The following WASHC5 variants were observed in gnomAD, a reference collection of about 807,000 sequenced individuals.
WASHC5 encodes WASH complex subunit 5, also known as WASH complex subunit strumpellin.
A neutral mutation model predicts 150.4 loss-of-function variants in WASHC5; 101 were observed. That is an observed-to-expected ratio of 0.67 (90% CI 0.57 to 0.79). The LOEUF is 0.79. Ranked by LOEUF, WASHC5 falls within the 30% of genes least tolerant of loss-of-function variation. The probability of loss-of-function intolerance (pLI) is 0.00; values close to 1 mark genes in which losing one functional copy is unlikely to be tolerated. For synonymous variants in WASHC5, 467 were observed against 491.2 expected, an observed-to-expected ratio of 0.95 and a Z score of 0.65; for missense variants, 1,195 against 1,396.3, an observed-to-expected ratio of 0.86 and a Z score of 2.30.
chr8:125,044,384 C>A, intron 21 of WASHC5, 152 bp downstream of exon 21: 1 of 844,460 alleles, frequency 1.2e-6, no homozygotes, highest in Admixed American at 1.9e-5. Flanking sequence ...AGTTTATTCC[C>A]AGCTCTGATC....
rs1187019922 is a variant in WASHC5, at chr8:125,024,567, G to C, written c.*50C>G. ...TTTCATCTTCAAATTCATTTGTGAT[G>C]GTGGGAAGATCTAAGGACAATCCTT... On this transcript the variant is annotated 3_prime_UTR_variant, in exon 29 of 29. Coordinates refer to ENST00000318410, the MANE Select transcript of WASHC5 (RefSeq NM_014846.4). The C allele has an allele frequency of 2.3e-6, 3 of 1,306,364 alleles. 1 individual carries two copies. The highest frequency in any genetic ancestry group is 2.4e-5 in the South Asian group (2 of 84,754). The allele number at this position is 1,306,364 out of a possible 1,614,324, so 80.9% of individuals were successfully genotyped here. A position where few individuals can be genotyped will look rare whatever the true frequency, so the allele number is the denominator to read the frequency against.
intron 6 of WASHC5, among the ~76,000 whole-genome samples, chr8:125,077,747 C>A (rs1037608893): frequency 2.0e-5 from 3 of 152,146 alleles, no homozygotes; most frequent in Admixed American, 6.5e-5. Context: ...GGGGATAATG[C>A]CATCTACTTT....
At chr8:125,028,347 T>C (rs1193267279) in intron 28 of WASHC5, among the ~76,000 whole-genome samples, 1 of 152,186 alleles carries the variant, frequency 6.6e-6, no homozygotes, top group Non-Finnish European at 1.5e-5. Flanking sequence ...GGCTTGCCTA[T>C]TTCACTTAAC....
In WASHC5 at chr8:125,083,051, T is replaced by C. The variant is rs533825071; in HGVS notation, c.332+62A>G. On this transcript the variant is annotated intron_variant, in intron 3 of 28. Coordinates refer to ENST00000318410, the MANE Select transcript of WASHC5 (RefSeq NM_014846.4). ...ACTCAGAGAGATTTACACGTTGCTA[T>C]GTGTCCTTTTCCCTCTCCACTATTT... The C allele has an allele frequency of 2.3e-5, 25 of 1,070,882 alleles. No homozygotes were observed. In the African/African-American group the frequency reaches 3.9e-4, roughly 17 times the overall value. The allele number at this position is 1,070,882 out of a possible 1,614,324, so 66.3% of individuals were successfully genotyped here.
rs1157754544 is a variant in WASHC5 at position 125,038,866 on chromosome 8, A to G, written c.3048T>C (p.Tyr1016=). 6.2e-7 allele frequency: 1 copy of G among 1,614,080 alleles called. No individual in the cohort carries two copies. Residue 1016 remains tyrosine (Y), a synonymous_variant, in exon 25 of 29, where the codon TAT becomes TAC. Coordinates refer to ENST00000318410, the MANE Select transcript of WASHC5 (RefSeq NM_014846.4). ...GGTTGTGAATGCCAGCTGCCTCCAGATAGGCTGTGATTTCATATAAAAGTG... is the reference window on the plus strand; with the variant it reads ...GGTTGTGAATGCCAGCTGCCTCCAGGTAGGCTGTGATTTCATATAAAAGTG... ...DNTLLYEITA[Y]LEAAGIHNPL...
intron 28 of WASHC5, among the ~76,000 whole-genome samples, chr8:125,026,857 G>T (rs952323278): frequency 6.6e-6 from 1 of 151,908 alleles, no homozygotes; most frequent in Non-Finnish European, 1.5e-5. Flanking sequence ...AAAAGGACTT[G>T]CCTAAGTCCT....
chr8:125,067,457 A>G (rs888181535), intron 10 of WASHC5, 135 bp downstream of exon 10: 21 of 749,834 alleles, frequency 2.8e-5, no homozygotes, highest in African/African-American at 2.3e-4. Flanking sequence ...TCCTTTAACT[A>G]TAAGAACTAT....
intron 27 of WASHC5, among the ~76,000 whole-genome samples, chr8:125,029,792 A>T (rs1351766719): frequency 6.6e-6 from 1 of 152,266 alleles, no homozygotes; most frequent in Admixed American, 6.5e-5. Context: ...ACCAATTGGC[A>T]TTTTCTGATT....
intron 11 of WASHC5, 36 bp downstream of exon 11, chr8:125,063,486 T>C: frequency 6.2e-7 from 1 of 1,610,518 alleles, no homozygotes. Context: ...TGTGCACACA[T>C]TCCAAACACA....
At chr8:125,078,634 C>CT in intron 6 of WASHC5, 104 bp downstream of exon 6, 1 of 959,446 alleles carries the variant, frequency 1.0e-6, no homozygotes, top group South Asian at 1.4e-5. Flanking sequence ...GTTCTACCTG[C>CT]TTTTACTCTT....
At chr8:125,040,057 G>A (rs2129997518) in intron 23 of WASHC5, among the ~76,000 whole-genome samples, 159 bp from the exon 24 acceptor site, 1 of 152,266 alleles carries the variant, frequency 6.6e-6, no homozygotes, top group African/African-American at 2.4e-5. Context: ...GCTAAGACCA[G>A]CACTGGATCT....
chr8:125,055,803 G>A (rs1816387485), intron 16 of WASHC5, 132 bp from the exon 17 acceptor site: 4 of 713,078 alleles, frequency 5.6e-6, no homozygotes, highest in Non-Finnish European at 1.0e-5. Context: ...AGGCTCTGTG[G>A]TACAACTGAA....
Position 125,075,225 on chromosome 8 carries a change from G to GA in WASHC5, c.865-115dup, listed in dbSNP as rs527353433. On this transcript the variant is annotated intron_variant, in intron 7 of 28. Coordinates refer to ENST00000318410, the MANE Select transcript of WASHC5 (RefSeq NM_014846.4). ...CTCCATGTTTAAATTCCATTCCAAT[G>GA]AAAAACCAAGATTTTCCAAATATAT... 2.1e-4 allele frequency: 157 copies of GA among 731,696 alleles called. 4 individuals carry two copies. The East Asian group carries it at 3.0e-3, about 14-fold the overall frequency. 45.3% of individuals were successfully genotyped at this position (731,696 alleles called of 1,614,324 possible).
chr8:125,054,744 G>A (rs1308950256), intron 17 of WASHC5, among the ~76,000 whole-genome samples: 1 of 151,968 alleles, frequency 6.6e-6, no homozygotes, highest in African/African-American at 2.4e-5. Flanking sequence ...GTGTGAACCC[G>A]GGAGGTGGAG....
intron 26 of WASHC5, among the ~76,000 whole-genome samples, chr8:125,036,450 C>T (rs1197339142): frequency 6.6e-6 from 1 of 152,156 alleles, no homozygotes; most frequent in Non-Finnish European, 1.5e-5. Context: ...GCAGGTGGAT[C>T]GCTTGAGCCT....
At chr8:125,041,305 T>A (rs1815877930) in intron 23 of WASHC5, among the ~76,000 whole-genome samples, 1 of 152,058 alleles carries the variant, frequency 6.6e-6, no homozygotes, top group African/African-American at 2.4e-5. Context: ...CAAGCAGCAA[T>A]AAGGTGGAAA....
chr8:125,054,865 G>T, intron 17 of WASHC5, among the ~76,000 whole-genome samples: 1 of 151,276 alleles, frequency 6.6e-6, no homozygotes, highest in East Asian at 1.9e-4. Flanking sequence ...TGTACCTGGG[G>T]TGTGAAATAA....
intron 17 of WASHC5, among the ~76,000 whole-genome samples, chr8:125,053,312 T>G (rs902545012): frequency 6.6e-6 from 1 of 152,026 alleles, no homozygotes; most frequent in African/African-American, 2.4e-5. Context: ...GCAGAGAGAG[T>G]CTACTGGGTT....
chr8:125,059,908 G>A (rs1054043197), intron 12 of WASHC5, among the ~76,000 whole-genome samples: 1 of 152,114 alleles, frequency 6.6e-6, no homozygotes, highest in Non-Finnish European at 1.5e-5. Flanking sequence ...ATGATAAAAA[G>A]CATTTGAGAT....
Sources: allele counts gnomAD v4.1 joint callset (sites outside exome capture counted in the v4.1 genomes callset), GRCh38; gene constraint gnomAD v4.1.1; transcripts MANE v1.5; gene names NCBI Gene and HGNC (gene_info 2026-07-23, HGNC 2026-07-21).